ARB2A: variants seen among roughly 807,000 people sequenced by gnomAD.
ARB2A encodes cotranscriptional regulator ARB2A.
chr5:93,620,966 C>G, the ARB2A span: 1 of 1,599,398 alleles, frequency 6.3e-7, no homozygotes, highest in Non-Finnish European at 8.5e-7. Context: ...AGGGCGGCCT[C>G]CCCCGTCGCG....
chr5:93,974,376 A>T, the ARB2A span, among the ~76,000 whole-genome samples: 1 of 152,342 alleles, frequency 6.6e-6, no homozygotes, highest in Admixed American at 6.5e-5. Flanking sequence ...AAAAAGTAAT[A>T]TTACATAATG....
At chr5:93,646,968 CTT>C in the ARB2A span, among the ~76,000 whole-genome samples, 1 of 152,094 alleles carries the variant, frequency 6.6e-6, no homozygotes. Context: ...CACTTTTTCA[CTT>C]TGTGACACAG....
At chr5:93,766,753 A>G in the ARB2A span, among the ~76,000 whole-genome samples, 13 of 152,238 alleles carry the variant, frequency 8.5e-5, no homozygotes, top group Non-Finnish European at 1.6e-4. Context: ...TGTTTACTGC[A>G]GCACTATTCA....
chr5:93,936,940 G>GTTTTTTTTT, the ARB2A span, among the ~76,000 whole-genome samples: 1 of 133,578 alleles, frequency 7.5e-6, no homozygotes, highest in African/African-American at 2.7e-5. Context: ...AATTATAAAG[G>GTTTTTTTTT]TTTTTTTTTT....
chr5:93,980,486 C>A, the ARB2A span, among the ~76,000 whole-genome samples: 1 of 152,140 alleles, frequency 6.6e-6, no homozygotes, highest in Non-Finnish European at 1.5e-5. Flanking sequence ...GAATCTTTTA[C>A]CAATTCAAGA....
At chr5:94,033,056 C>T in the ARB2A span, among the ~76,000 whole-genome samples, 1 of 152,098 alleles carries the variant, frequency 6.6e-6, no homozygotes, top group East Asian at 1.9e-4. Context: ...TCCTCTCTTG[C>T]TCACTTCTTC....
chr5:93,920,519 T>A, the ARB2A span, among the ~76,000 whole-genome samples: 1 of 152,094 alleles, frequency 6.6e-6, no homozygotes, highest in Non-Finnish European at 1.5e-5. Flanking sequence ...ACAGATGAAT[T>A]GCATGGCCTA....
the ARB2A span, among the ~76,000 whole-genome samples, chr5:93,779,793 C>T: frequency 5.9e-5 from 9 of 152,180 alleles, no homozygotes; most frequent in African/African-American, 1.7e-4. Flanking sequence ...CATTTTTTTA[C>T]CCTAAAATGA....
chr5:93,992,314 A>G, the ARB2A span, among the ~76,000 whole-genome samples: 1 of 152,094 alleles, frequency 6.6e-6, no homozygotes, highest in Non-Finnish European at 1.5e-5. Flanking sequence ...ACCCAGATAT[A>G]GAGAGAAGTA....
the ARB2A span, among the ~76,000 whole-genome samples, chr5:93,791,867 C>T: frequency 5.8e-3 from 877 of 152,046 alleles, 6 homozygotes; most frequent in Middle Eastern, 0.02. Context: ...CCTGCCTAGA[C>T]CATGCTGCCA....
chr5:93,718,186 A>G, the ARB2A span, among the ~76,000 whole-genome samples: 1 of 152,034 alleles, frequency 6.6e-6, no homozygotes, highest in African/African-American at 2.4e-5. Flanking sequence ...TCACACCTGT[A>G]ATCCCAGCAC....
the ARB2A span, among the ~76,000 whole-genome samples, chr5:94,062,643 G>A: frequency 6.6e-6 from 1 of 152,104 alleles, no homozygotes; most frequent in African/African-American, 2.4e-5. Flanking sequence ...CAATGCCATG[G>A]CTCTAGAGAA....
At chr5:93,733,855 T>C in the ARB2A span, 35 of 152,358 alleles carry the variant, frequency 2.3e-4, no homozygotes, top group African/African-American at 6.7e-4. Context: ...TAACACCATT[T>C]TGCATTCTGA....
chr5:93,985,099 A>T, the ARB2A span, among the ~76,000 whole-genome samples: 1 of 152,118 alleles, frequency 6.6e-6, no homozygotes, highest in South Asian at 2.1e-4. Flanking sequence ...CTTCTTTCTT[A>T]AAAAAGGACA....
the ARB2A span, among the ~76,000 whole-genome samples, chr5:93,775,295 C>A: frequency 6.6e-6 from 1 of 152,150 alleles, no homozygotes; most frequent in Non-Finnish European, 1.5e-5. Context: ...CAGTGATTAG[C>A]TATCACTTGT....
the ARB2A span, among the ~76,000 whole-genome samples, chr5:94,074,162 G>C: frequency 6.6e-6 from 1 of 152,076 alleles, no homozygotes; most frequent in African/African-American, 2.4e-5. Flanking sequence ...TTAGATAGCA[G>C]ATTTATTTTT....
At chr5:94,022,139 A>G in the ARB2A span, among the ~76,000 whole-genome samples, 2 of 152,162 alleles carry the variant, frequency 1.3e-5, no homozygotes, top group African/African-American at 4.8e-5. Flanking sequence ...GGTTGCAGTG[A>G]GCCAAGATCG....
At chr5:93,817,686 G>A in the ARB2A span, among the ~76,000 whole-genome samples, 2 of 152,114 alleles carry the variant, frequency 1.3e-5, no homozygotes, top group Non-Finnish European at 2.9e-5. Context: ...TATGGATTTT[G>A]ACAAGGGTGC....
the ARB2A span, among the ~76,000 whole-genome samples, chr5:94,025,047 C>G: frequency 6.6e-6 from 1 of 152,134 alleles, no homozygotes; most frequent in Admixed American, 6.5e-5. Flanking sequence ...AAAAACATAC[C>G]AACCTGACCA....
Sources: allele counts gnomAD v4.1 joint callset (sites outside exome capture counted in the v4.1 genomes callset), GRCh38; gene constraint gnomAD v4.1.1; transcripts MANE v1.5; gene names NCBI Gene and HGNC (gene_info 2026-07-23, HGNC 2026-07-21).